The following NKAIN2 variants were observed in gnomAD, a reference collection of about 807,000 sequenced individuals.
NKAIN2 encodes sodium/potassium-transporting ATPase subunit beta-1-interacting protein 2.
In NKAIN2, 14 loss-of-function variants were observed where a neutral mutation model predicts 32.6. The ratio of observed to expected loss-of-function variants is 0.43; its 90% CI spans 0.28 to 0.67. The LOEUF (loss-of-function observed/expected upper bound fraction) is 0.67, where lower values mean the gene tolerates loss of function less well. Among genes scored for constraint, NKAIN2 ranks in the 30% least tolerant of loss-of-function variants. NKAIN2 has a pLI of 0.17. For synonymous variants in NKAIN2, 80 were observed against 87.2 expected, an observed-to-expected ratio of 0.92 and a Z score of 0.46; for missense variants, 198 against 258.3, an observed-to-expected ratio of 0.77 and a Z score of 1.60.
At chr6:124,385,555 T>A (rs1158468553) in intron 3 of NKAIN2, among the ~76,000 whole-genome samples, 1 of 152,132 alleles carries the variant, frequency 6.6e-6, no homozygotes, top group East Asian at 1.9e-4. Context: ...AAATTTGAAT[T>A]TTTAATTCTG....
At position 124,790,247 on chromosome 6, in the gene NKAIN2, C is replaced by T. The variant is rs140359106; in HGVS notation, c.475-1092C>T. 6.8e-3 allele frequency among the ~76,000 whole-genome samples: 1,038 copies of T among 152,138 alleles called. 13 individuals carry two copies. Among genetic ancestry groups the T allele is most frequent in the African/African-American group, 0.024 (994 of 41,528 alleles). The stretch of plus-strand genomic sequence containing the variant: ...TGCTCATTAAATACCTATTAGTGTA[C>T]CCTTTGACTTAAAATGTTCCACTCA... On this transcript the variant is annotated intron_variant, in intron 4 of 6. Transcript: ENST00000368417.
intron 4 of NKAIN2, among the ~76,000 whole-genome samples, chr6:124,728,508 A>C: frequency 9.0e-6 from 1 of 110,670 alleles, no homozygotes. Context: ...TTTGAAACCA[A>C]CGAGAACAAA....
At chr6:124,431,366 C>G (rs1409795779) in intron 3 of NKAIN2, among the ~76,000 whole-genome samples, 1 of 152,074 alleles carries the variant, frequency 6.6e-6, no homozygotes, top group Non-Finnish European at 1.5e-5. Flanking sequence ...CACTGCAAAT[C>G]AAAACAAAAC....
chr6:123,889,626 C>T (rs1773902800), intron 1 of NKAIN2, among the ~76,000 whole-genome samples: 1 of 152,082 alleles, frequency 6.6e-6, no homozygotes, highest in African/African-American at 2.4e-5. Context: ...ATAAAAGAGA[C>T]TCAGAGAAAA....
At chr6:123,881,947 G>A (rs562750701) in intron 1 of NKAIN2, among the ~76,000 whole-genome samples, 14 of 151,972 alleles carry the variant, frequency 9.2e-5, no homozygotes, top group African/African-American at 1.9e-4. Context: ...TCAATATACC[G>A]TATTACTAAA....
intron 3 of NKAIN2, among the ~76,000 whole-genome samples, chr6:124,645,323 A>T (rs1052855596): frequency 6.6e-6 from 1 of 152,232 alleles, no homozygotes; most frequent in Non-Finnish European, 1.5e-5. Flanking sequence ...TTTAAGGAAC[A>T]GGTAGCTTGC....
intron 3 of NKAIN2, among the ~76,000 whole-genome samples, chr6:124,394,840 T>C (rs1201000965): frequency 6.6e-6 from 1 of 152,138 alleles, no homozygotes; most frequent in Non-Finnish European, 1.5e-5. Flanking sequence ...TTTGACCAAA[T>C]GTCTGAAGAT....
At chr6:124,011,934 A>G (rs918311044) in intron 1 of NKAIN2, among the ~76,000 whole-genome samples, 2 of 152,160 alleles carry the variant, frequency 1.3e-5, no homozygotes, top group African/African-American at 4.8e-5. Flanking sequence ...GATAAATAGG[A>G]CAGAATTCAA....
intron 1 of NKAIN2, among the ~76,000 whole-genome samples, chr6:124,133,126 A>G (rs1385322783): frequency 6.6e-6 from 1 of 152,198 alleles, no homozygotes; most frequent in Non-Finnish European, 1.5e-5. Flanking sequence ...CAGGTACTCC[A>G]CTAAAGACAC....
At chr6:124,307,185 A>T (rs1333775560) in intron 2 of NKAIN2, among the ~76,000 whole-genome samples, 1 of 152,202 alleles carries the variant, frequency 6.6e-6, no homozygotes, top group Non-Finnish European at 1.5e-5. Context: ...AAAATTATAT[A>T]TGGGATAGGC....
chr6:124,213,047 TTC>T (rs1791271548), intron 1 of NKAIN2, among the ~76,000 whole-genome samples: 1 of 152,152 alleles, frequency 6.6e-6, no homozygotes, highest in Admixed American at 6.6e-5. Context: ...CCTGTAGGTC[TTC>T]TCTCTCTGTA....
At chr6:124,361,632 T>C (rs1269638399) in intron 3 of NKAIN2, among the ~76,000 whole-genome samples, 1 of 152,118 alleles carries the variant, frequency 6.6e-6, no homozygotes, top group African/African-American at 2.4e-5. Context: ...TTTAATAATT[T>C]TGATAGTTGC....
intron 1 of NKAIN2, among the ~76,000 whole-genome samples, chr6:124,141,998 C>A (rs915905369): frequency 6.6e-6 from 1 of 152,140 alleles, no homozygotes; most frequent in Non-Finnish European, 1.5e-5. Flanking sequence ...AATAATTTCC[C>A]ATCCCATAGA....
intron 3 of NKAIN2, among the ~76,000 whole-genome samples, chr6:124,440,056 T>G (rs1281604947): frequency 6.6e-6 from 1 of 152,090 alleles, no homozygotes; most frequent in Non-Finnish European, 1.5e-5. Flanking sequence ...CTTCAGTATC[T>G]TGAATTGGAC....
chr6:124,361,038 T>C (rs1386102630), intron 3 of NKAIN2, among the ~76,000 whole-genome samples: 1 of 152,152 alleles, frequency 6.6e-6, no homozygotes. Flanking sequence ...AAATAAGAAC[T>C]AACCTCAGCC....
At chr6:124,310,398 C>G (rs963489697) in intron 2 of NKAIN2, among the ~76,000 whole-genome samples, 1 of 152,022 alleles carries the variant, frequency 6.6e-6, no homozygotes, top group Non-Finnish European at 1.5e-5. Flanking sequence ...AATGATCTTT[C>G]TGAAATCATA....
intron 1 of NKAIN2, among the ~76,000 whole-genome samples, chr6:123,972,631 G>A (rs1399960239): frequency 6.6e-6 from 1 of 152,122 alleles, no homozygotes; most frequent in Non-Finnish European, 1.5e-5. Context: ...ATGTTAGCTT[G>A]GAGAAAGTCC....
intron 4 of NKAIN2, among the ~76,000 whole-genome samples, chr6:124,783,104 G>A (rs893416231): frequency 1.3e-5 from 2 of 152,100 alleles, no homozygotes; most frequent in Non-Finnish European, 2.9e-5. Context: ...TTTTAAAAAC[G>A]AATCTGATAT....
intron 3 of NKAIN2, among the ~76,000 whole-genome samples, chr6:124,609,377 G>A: frequency 6.6e-6 from 1 of 151,996 alleles, no homozygotes; most frequent in Non-Finnish European, 1.5e-5. Flanking sequence ...ACTCACCCTG[G>A]AATTGTTTGA....
Sources: allele counts gnomAD v4.1 joint callset (sites outside exome capture counted in the v4.1 genomes callset), GRCh38; gene constraint gnomAD v4.1.1; transcripts MANE v1.5; gene names NCBI Gene and HGNC (gene_info 2026-07-23, HGNC 2026-07-21).